Variants in PRKD1 observed in about 807,000 individuals in gnomAD.
PRKD1 encodes protein kinase D1.
PRKD1 carries 63 observed loss-of-function variants against 95.9 expected under a neutral mutation model. That is an observed-to-expected ratio of 0.66 (90% CI 0.54 to 0.81). The LOEUF (loss-of-function observed/expected upper bound fraction) is 0.81. PRKD1 is among the 30% of genes least tolerant of loss of function. The pLI, the probability that PRKD1 is intolerant of heterozygous loss-of-function variation, is 0.00. For missense variants in PRKD1, 1,048 were observed against 1,165.3 expected (o/e 0.90, Z 1.47); for synonymous variants, 425 against 423.1 (o/e 1.00, Z -0.05).
chr14:29,812,317 A>G (rs1178244242), intron 1 of PRKD1, among the ~76,000 whole-genome samples: 1 of 152,224 alleles, frequency 6.6e-6, no homozygotes, highest in Non-Finnish European at 1.5e-5. Context: ...CCTAGATATA[A>G]CCGGAACACT....
chr14:29,628,091 C>T (rs910826971), intron 11 of PRKD1, among the ~76,000 whole-genome samples: 2 of 152,130 alleles, frequency 1.3e-5, no homozygotes, highest in African/African-American at 4.8e-5. Flanking sequence ...TAGGAATCTG[C>T]AGAAAAGAAA....
chr14:29,684,079 A>G (rs1345582539), intron 2 of PRKD1, among the ~76,000 whole-genome samples: 2 of 151,990 alleles, frequency 1.3e-5, no homozygotes, highest in African/African-American at 4.8e-5. Context: ...CTGAGAGTCT[A>G]GTTCAAGAAC....
chr14:29,666,341 C>T (rs1255076715), intron 2 of PRKD1, 133 bp from the exon 3 acceptor site: 1 of 916,200 alleles, frequency 1.1e-6, no homozygotes, highest in Non-Finnish European at 1.5e-6. Flanking sequence ...AGATGCAACA[C>T]AGCTTGCACT....
At chr14:29,748,588 G>A (rs1887337364) in intron 1 of PRKD1, among the ~76,000 whole-genome samples, 2 of 152,308 alleles carry the variant, frequency 1.3e-5, no homozygotes, top group Admixed American at 6.5e-5. Context: ...CAGCTCTTCT[G>A]TGCATATGTT....
chr14:29,668,633 CTGTT>C lies in PRKD1; in HGVS notation c.404-2429_404-2426del, dbSNP rs575871508. ...TAAATTGTTGCACAAATGGAGTAAA[CTGTT>C]TGGTTAGCAGTACAGAAGAAATAAG... is the stretch of plus-strand genomic sequence containing the variant. On this transcript the variant is annotated intron_variant, in intron 2 of 17. Transcript: ENST00000331968. Among the ~76,000 whole-genome samples, 25 of 152,182 alleles carry C rather than the reference CTGTT, an allele frequency of 1.6e-4. No individual in the cohort carries two copies. In the South Asian group the frequency reaches 2.5e-3, roughly 15 times the overall value.
chr14:29,748,026 G>A (rs1159845811), intron 1 of PRKD1, among the ~76,000 whole-genome samples: 6 of 152,132 alleles, frequency 3.9e-5, no homozygotes, highest in Non-Finnish European at 8.8e-5. Context: ...TTACAGACGT[G>A]AGCCACCACG....
At chr14:29,668,410 T>A (rs1882644809) in intron 2 of PRKD1, among the ~76,000 whole-genome samples, 4 of 152,188 alleles carry the variant, frequency 2.6e-5, no homozygotes, top group Admixed American at 2.6e-4. Context: ...TAAAACCATA[T>A]GACAGGGCAA....
chr14:29,693,255 T>C (rs1266931119), intron 2 of PRKD1, among the ~76,000 whole-genome samples: 1 of 152,116 alleles, frequency 6.6e-6, no homozygotes, highest in Non-Finnish European at 1.5e-5. Context: ...GTCGGAAGTT[T>C]TGAATTTTCA....
intron 1 of PRKD1, among the ~76,000 whole-genome samples, chr14:29,864,994 T>C (rs1173313541): frequency 1.3e-5 from 2 of 152,228 alleles, no homozygotes; most frequent in East Asian, 1.9e-4. Context: ...AGTATCCTCC[T>C]GTCTTTAACC....
chr14:29,725,139 T>A (rs1886077728), intron 2 of PRKD1, among the ~76,000 whole-genome samples: 1 of 152,194 alleles, frequency 6.6e-6, no homozygotes, highest in African/African-American at 2.4e-5. Flanking sequence ...AAAGGCTTCT[T>A]AGCCCTGGTG....
intron 1 of PRKD1, among the ~76,000 whole-genome samples, chr14:29,779,393 G>C (rs1173792002): frequency 2.0e-5 from 3 of 152,120 alleles, no homozygotes; most frequent in African/African-American, 7.2e-5. Flanking sequence ...AAACCCCATC[G>C]TCTCAGCCCC....
rs187722847 is a variant in PRKD1, at chr14:29,856,569, G to T, written c.264+70680C>A. 2.7e-3 allele frequency among the ~76,000 whole-genome samples: 410 copies of T among 152,278 alleles called. 1 individual carries two copies. Among genetic ancestry groups the T allele is most frequent in the Non-Finnish European group, 3.8e-3 (258 of 68,006 alleles). On this transcript the variant is annotated intron_variant, in intron 1 of 17. Coordinates refer to ENST00000331968, the MANE Select transcript of PRKD1 (RefSeq NM_002742.3). ...CTGTCAGTAAAATCTGCAGCAATAA[G>T]CTCTGTTAATACCACAAGAGGAACC...
intron 1 of PRKD1, among the ~76,000 whole-genome samples, chr14:29,743,449 C>T (rs540566635): frequency 3.3e-5 from 5 of 151,928 alleles, no homozygotes; most frequent in Admixed American, 6.6e-5. Context: ...CTAGTTTGAA[C>T]ACAGAGAACC....
chr14:29,638,708 C>T lies in PRKD1; in HGVS notation c.893G>A (p.Gly298Asp). 2 of 1,614,162 alleles carry T rather than the reference C, an allele frequency of 1.2e-6. No individual in the cohort carries two copies. The highest frequency in any genetic ancestry group is 2.2e-5 in the South Asian group (2 of 91,080). The change falls in exon 5 of 18, where the codon GGC (glycine) becomes GAC (aspartate). Residue 298 changes from glycine to aspartate, a missense_variant. Gly to Asp is a moderately conservative substitution (Grantham distance 94). Around this residue, in one of 3 missense-constraint regions of PRKD1, gnomAD observed 739 missense variants for 861.9 expected, o/e 0.86. Transcript: ENST00000331968. ...KKLLKGLFRQGLQCKDCRFNC... is the reference protein window; with the variant it reads ...KKLLKGLFRQDLQCKDCRFNC... ...ATCATCCTTACCTTTGCACTGCAAG[C>T]CCTGCCTGAAAAGCCCCTTCAGAAG...
intron 1 of PRKD1, among the ~76,000 whole-genome samples, chr14:29,841,122 A>G (rs1284291686): frequency 6.6e-6 from 1 of 152,224 alleles, no homozygotes; most frequent in African/African-American, 2.4e-5. Context: ...AGTTTATCCA[A>G]TGCCTGTACC....
At chr14:29,762,945 T>C (rs997825469) in intron 1 of PRKD1, among the ~76,000 whole-genome samples, 2 of 151,852 alleles carry the variant, frequency 1.3e-5, no homozygotes, top group South Asian at 2.1e-4. Flanking sequence ...GGTTTCACCA[T>C]GTTGCCCAGG....
chr14:29,775,920 A>G (rs997254259), intron 1 of PRKD1, among the ~76,000 whole-genome samples: 2 of 152,096 alleles, frequency 1.3e-5, no homozygotes, highest in African/African-American at 4.8e-5. Flanking sequence ...GACACCTCAC[A>G]TGGCCAGGTG....
At chr14:29,713,698 A>G (rs1885449213) in intron 2 of PRKD1, among the ~76,000 whole-genome samples, 1 of 152,158 alleles carries the variant, frequency 6.6e-6, no homozygotes, top group Non-Finnish European at 1.5e-5. Context: ...ATAATACTGC[A>G]TTGCTCTTCC....
intron 1 of PRKD1, among the ~76,000 whole-genome samples, chr14:29,774,031 T>C (rs45554033): frequency 0.019 from 2,842 of 152,318 alleles, 88 homozygotes; most frequent in African/African-American, 0.063. Context: ...TCAGTTGAGC[T>C]ACAGTATATG....
Sources: allele counts gnomAD v4.1 joint callset (sites outside exome capture counted in the v4.1 genomes callset), GRCh38; gene constraint gnomAD v4.1.1; regional missense constraint gnomAD v4.1.1; transcripts MANE v1.5; gene names NCBI Gene and HGNC (gene_info 2026-07-23, HGNC 2026-07-21).